Variants in LY6S observed in about 807,000 individuals in gnomAD.
LY6S encodes lymphocyte antigen 6S.
chr8:143,068,779 G>A, the LY6S span, among the ~76,000 whole-genome samples: 2 of 151,282 alleles, frequency 1.3e-5, no homozygotes, highest in African/African-American at 2.4e-5. Context: ...AGAATATCTC[G>A]CTCCAGATTG....
chr8:143,066,743 C>T, the LY6S span, among the ~76,000 whole-genome samples: 41 of 152,172 alleles, frequency 2.7e-4, no homozygotes, highest in Non-Finnish European at 6.0e-4. Context: ...GTGGAAAGAA[C>T]TCATTTCCAG....
the LY6S span, among the ~76,000 whole-genome samples, chr8:143,056,348 C>T: frequency 6.6e-6 from 1 of 151,332 alleles, no homozygotes; most frequent in Admixed American, 6.6e-5. Context: ...CAATTTCTGA[C>T]ATAAATCATA....
At chr8:143,062,808 A>G in the LY6S span, among the ~76,000 whole-genome samples, 1 of 151,902 alleles carries the variant, frequency 6.6e-6, no homozygotes, top group Non-Finnish European at 1.5e-5. Flanking sequence ...GGGTATCAGG[A>G]ATGATGATGA....
chr8:143,046,666 T>G, the LY6S span, among the ~76,000 whole-genome samples: 52 of 151,602 alleles, frequency 3.4e-4, no homozygotes, highest in African/African-American at 1.1e-3. Flanking sequence ...TTTGCTCAGG[T>G]GGCATAGGCC....
At chr8:143,053,787 TG>T in the LY6S span, 7 of 152,214 alleles carry the variant, frequency 4.6e-5, no homozygotes, top group Non-Finnish European at 1.5e-5. Context: ...ACTTTGTCAC[TG>T]GGTCACCTAT....
the LY6S span, chr8:143,044,961 T>C: frequency 4.8e-5 from 33 of 681,146 alleles, no homozygotes; most frequent in African/African-American, 5.7e-4. Flanking sequence ...TGCCTGCAAC[T>C]GGCAGCCTGC....
chr8:143,061,258 T>G, the LY6S span, among the ~76,000 whole-genome samples: 1 of 137,170 alleles, frequency 7.3e-6, no homozygotes, highest in African/African-American at 3.1e-5. Flanking sequence ...AACCCCTGTC[T>G]CTTAAAAAAA....
At chr8:143,070,378 A>AATAT in the LY6S span, among the ~76,000 whole-genome samples, 1 of 119,654 alleles carries the variant, frequency 8.4e-6, no homozygotes, top group African/African-American at 3.5e-5. Context: ...TATATATATA[A>AATAT]ATATATATAT....
At chr8:143,063,920 C>T in the LY6S span, among the ~76,000 whole-genome samples, 1 of 152,344 alleles carries the variant, frequency 6.6e-6, no homozygotes, top group East Asian at 1.9e-4. Flanking sequence ...GTGGCAGCAA[C>T]TGCCCTTACA....
chr8:143,061,824 G>C, the LY6S span, among the ~76,000 whole-genome samples: 5 of 152,206 alleles, frequency 3.3e-5, no homozygotes, highest in African/African-American at 4.8e-5. Flanking sequence ...GATTACAGGT[G>C]TGAGTCACCA....
the LY6S span, among the ~76,000 whole-genome samples, chr8:143,072,420 C>A: frequency 7.7e-6 from 1 of 130,036 alleles, no homozygotes; most frequent in South Asian, 2.7e-4. Flanking sequence ...CCTCGTGGTC[C>A]CTGTTTGAGG....
the LY6S span, among the ~76,000 whole-genome samples, chr8:143,055,938 C>T: frequency 1.3e-5 from 2 of 152,022 alleles, no homozygotes; most frequent in Non-Finnish European, 2.9e-5. Context: ...GAACAAAGAA[C>T]TCCTTCAGGA....
the LY6S span, among the ~76,000 whole-genome samples, chr8:143,051,282 T>C: frequency 6.6e-6 from 1 of 152,206 alleles, no homozygotes; most frequent in Non-Finnish European, 1.5e-5. Flanking sequence ...GCGTGGTGGC[T>C]GTAATCCCAG....
At chr8:143,065,967 G>T in the LY6S span, 1 of 329,272 alleles carries the variant, frequency 3.0e-6, no homozygotes, top group South Asian at 2.8e-5. Context: ...TCTAAATCGA[G>T]GCGGGGGTGT....
the LY6S span, among the ~76,000 whole-genome samples, chr8:143,070,444 T>TATTG: frequency 5.3e-5 from 3 of 56,552 alleles, no homozygotes; most frequent in Non-Finnish European, 8.1e-5. Context: ...TATATATATA[T>TATTG]TGTATATATA....
chr8:143,057,169 AC>A, the LY6S span: 1 of 348,990 alleles, frequency 2.9e-6, no homozygotes, highest in Non-Finnish European at 5.7e-6. Context: ...TGTTTCCAAC[AC>A]CCCCTTTTTT....
At chr8:143,054,570 G>C in the LY6S span, among the ~76,000 whole-genome samples, 4 of 152,256 alleles carry the variant, frequency 2.6e-5, no homozygotes, top group East Asian at 3.9e-4. Flanking sequence ...ACGGAGTTGT[G>C]GGGGGTTGTG....
the LY6S span, chr8:143,059,810 G>A: frequency 6.6e-6 from 1 of 152,170 alleles, no homozygotes; most frequent in Middle Eastern, 3.2e-3. Context: ...AATAGAGGTA[G>A]GTAAATGAAG....
chr8:143,057,830 C>T, the LY6S span: 105 of 752,280 alleles, frequency 1.4e-4, no homozygotes, highest in African/African-American at 1.1e-3. Context: ...TGAGACTTTT[C>T]GGCTCCTGCA....
Sources: gnomAD v4.1 joint callset for allele counts (sites outside exome capture counted in the v4.1 genomes callset) on GRCh38, gnomAD v4.1.1 for gene constraint, MANE v1.5 for transcripts, NCBI Gene and HGNC (gene_info 2026-07-23, HGNC 2026-07-21) for gene names.